The following ZNF19 variants were observed in gnomAD, a reference collection of about 807,000 sequenced individuals.
ZNF19 encodes the protein zinc finger protein 19.
A neutral mutation model predicts 13.1 loss-of-function variants in ZNF19; 11 were observed. That is an observed-to-expected ratio of 0.84 (90% CI 0.53 to 1.39). The LOEUF (loss-of-function observed/expected upper bound fraction) is 1.39, where lower values mean the gene tolerates loss of function less well. Among genes scored for constraint, ZNF19 ranks in the 40% most tolerant of loss-of-function variants. The probability of loss-of-function intolerance (pLI) is 0.00; values close to 1 mark genes in which losing one functional copy is unlikely to be tolerated. For missense variants in ZNF19, 560 were observed against 547.0 expected (o/e 1.02, Z -0.24); for synonymous variants, 186 against 187.0 (o/e 0.99, Z 0.04).
At chr16:71,479,126 TG>T in intron 3 of ZNF19, 121 bp from the exon 4 acceptor site, 1 of 1,415,122 alleles carries the variant, frequency 7.1e-7, no homozygotes, top group East Asian at 2.3e-5. Flanking sequence ...AATGAGAAAA[TG>T]TGACAGAACT....
intron 1 of ZNF19, 41 bp from the exon 2 acceptor site, chr16:71,484,789 T>C: frequency 1.0e-6 from 1 of 969,638 alleles, no homozygotes; most frequent in Non-Finnish European, 1.2e-6. Context: ...TTCGCTAATC[T>C]CTAACCGAAA....
chr16:71,488,424 C>T (rs2043695772), intron 1 of ZNF19, among the ~76,000 whole-genome samples: 2 of 149,678 alleles, frequency 1.3e-5, no homozygotes, highest in South Asian at 2.1e-4. Context: ...AAACTCAGAA[C>T]AAAACTGTTA....
intron 2 of ZNF19, 47 bp from the exon 3 acceptor site, chr16:71,482,190 A>G (rs2043641354): frequency 7.5e-6 from 12 of 1,589,642 alleles, no homozygotes; most frequent in Non-Finnish European, 8.6e-6. Flanking sequence ...AGCCCAGTAA[A>G]ATGCTCTCTT....
Position 71,477,472 on chromosome 16 carries a change from G to A in ZNF19, c.274+756C>T, listed in dbSNP as rs370252693. ...GCCTCTGCCTTCAATTTCACTGTTT[G>A]CTCTTGGTGGCCCCCATCTATTTGA... On this transcript the variant is annotated intron_variant, in intron 5 of 5. Coordinates refer to ENST00000288177, the MANE Select transcript of ZNF19 (RefSeq NM_006961.4). Among the ~76,000 whole-genome samples the A allele has an allele frequency of 1.1e-4, 17 of 152,042 alleles. No individual in the cohort carries two copies. The South Asian group carries it at 3.1e-3, about 28-fold the overall frequency.
At chr16:71,478,844 T>A in intron 4 of ZNF19, 35 bp downstream of exon 4, 2 of 1,609,110 alleles carry the variant, frequency 1.2e-6, no homozygotes, top group Non-Finnish European at 1.7e-6. Context: ...ACTGGAAAAG[T>A]ACAGATCTGA....
At chr16:71,485,458 A>T (rs1394799556) in intron 1 of ZNF19, among the ~76,000 whole-genome samples, 1 of 147,242 alleles carries the variant, frequency 6.8e-6, no homozygotes, top group Admixed American at 6.6e-5. Flanking sequence ...CTCAAAAAAA[A>T]AAAAAACCAA....
chr16:71,485,422 C>A (rs1003224695), intron 1 of ZNF19, among the ~76,000 whole-genome samples: 3 of 149,490 alleles, frequency 2.0e-5, no homozygotes, highest in Non-Finnish European at 3.0e-5. Flanking sequence ...TGCACTCCAG[C>A]CTGGGCGACA....
intron 2 of ZNF19, chr16:71,482,431 C>A: frequency 3.4e-6 from 1 of 297,136 alleles, no homozygotes; most frequent in Non-Finnish European, 6.3e-6. Flanking sequence ...AAACTCAGAG[C>A]GAAACCTAAC....
At position 71,484,716 on chromosome 16, in the gene ZNF19, G is replaced by T. The variant is rs1016348788; in HGVS notation, c.-157C>A. On this transcript the variant is annotated 5_prime_UTR_variant, in exon 2 of 6. Transcript: ENST00000288177. ...TCAGTGGTTGTGTGGTTTTACTCCC[G>T]GGAGGAGTTTCCACCCGGGGATCCT... 1.1e-5 allele frequency: 11 copies of T among 985,268 alleles called. No homozygotes were observed. The highest frequency in any genetic ancestry group is 6.0e-6 in the Non-Finnish European group (5 of 829,922). The allele number at this position is 985,268 out of a possible 1,614,324, so 61.0% of individuals were successfully genotyped here.
chr16:71,479,297 T>G (rs2043622535), intron 3 of ZNF19, among the ~76,000 whole-genome samples: 1 of 152,250 alleles, frequency 6.6e-6, no homozygotes, highest in Non-Finnish European at 1.5e-5. Flanking sequence ...TTAACCTTCC[T>G]AGGGCAAAAA....
chr16:71,480,893 G>C (rs947461424), intron 3 of ZNF19, among the ~76,000 whole-genome samples: 5 of 152,206 alleles, frequency 3.3e-5, no homozygotes, highest in African/African-American at 1.2e-4. Context: ...GAGAACCCTG[G>C]ATTGGAGGAT....
rs2043620701 is a variant in ZNF19, at chr16:71,478,996, T to TCACC, written c.39_42dup (p.Thr15GlyfsTer67). 1 of 1,613,978 alleles carries TCACC rather than the reference T, an allele frequency of 6.2e-7. No homozygotes were observed. Among genetic ancestry groups the TCACC allele is most frequent in the Non-Finnish European group, 8.5e-7 (1 of 1,180,014 alleles). On this transcript the variant is annotated frameshift_variant, in exon 4 of 6. Transcript: ENST00000288177. LOFTEE classifies it high-confidence loss of function. ...AAGTGCACAGCCACATCCTCGAAGG[T>TCACC]CACCATCTCCTAAAACAACAGGTTC...
In ZNF19 at chr16:71,475,127, T is replaced by G. The variant is rs1469537848; in HGVS notation, c.*43A>C. The G allele has an allele frequency of 3.3e-6, 5 of 1,513,170 alleles. No homozygotes were observed. The East Asian group carries it at 1.2e-4, about 37-fold the overall frequency. 93.7% of individuals were successfully genotyped at this position (1,513,170 alleles called of 1,614,324 possible). ...CTGTGTCACACATTCCATTCCTGAG[T>G]AGAAGACGGAATCCACTCAGTACAT... On this transcript the variant is annotated 3_prime_UTR_variant, in exon 6 of 6. Coordinates refer to ENST00000288177, the MANE Select transcript of ZNF19 (RefSeq NM_006961.4).
chr16:71,478,176 A>T, intron 5 of ZNF19, 52 bp downstream of exon 5: 1 of 1,210,244 alleles, frequency 8.3e-7, no homozygotes, highest in Non-Finnish European at 1.2e-6. Flanking sequence ...ATTTTAAAAT[A>T]CAGTGCTCCA....
intron 2 of ZNF19, among the ~76,000 whole-genome samples, chr16:71,484,191 A>G (rs1409970880): frequency 2.6e-5 from 4 of 152,150 alleles, no homozygotes; most frequent in South Asian, 4.1e-4. Flanking sequence ...TGACTTTCCC[A>G]TTGGGCGGAA....
At chr16:71,486,574 C>T (rs996893582) in intron 1 of ZNF19, among the ~76,000 whole-genome samples, 3 of 152,166 alleles carry the variant, frequency 2.0e-5, no homozygotes, top group Non-Finnish European at 2.9e-5. Flanking sequence ...GAAACAGATT[C>T]TCTCCTTAGT....
At position 71,475,442 on chromosome 16, in the gene ZNF19, G is replaced by A. The variant is rs2043594380; in HGVS notation, c.1105C>T (p.Gln369Ter). ...CTCAGATGCCTTTTTAATTGTTCCTGAGCACTGAAGGCTTTTCCACAATCT... is the reference window on the plus strand; with the variant it reads ...CTCAGATGCCTTTTTAATTGTTCCTAAGCACTGAAGGCTTTTCCACAATCT... Reference protein sequence around the residue: ...CVDCGKAFSAQEQLKRHLRIH... With the variant: ...CVDCGKAFSA Residue 369 changes from glutamine (Q) to a stop codon, truncating the protein, a stop_gained, in exon 6 of 6, where the codon CAG (glutamine) becomes TAG (stop). Coordinates refer to ENST00000288177, the MANE Select transcript of ZNF19 (RefSeq NM_006961.4). LOFTEE classifies it low-confidence loss of function (END_TRUNC). The A allele has an allele frequency of 6.2e-7, 1 of 1,611,730 alleles. No homozygotes were observed. Among genetic ancestry groups the A allele is most frequent in the African/African-American group, 1.4e-5 (1 of 74,042 alleles).
intron 2 of ZNF19, chr16:71,482,383 A>T (rs1226991753): frequency 2.5e-6 from 1 of 399,308 alleles, no homozygotes; most frequent in Non-Finnish European, 4.6e-6. Context: ...CACCAACACC[A>T]AGCTAAATGA....
chr16:71,479,090 G>C, intron 3 of ZNF19, 85 bp from the exon 4 acceptor site: 1 of 1,585,002 alleles, frequency 6.3e-7, no homozygotes, highest in African/African-American at 1.3e-5. Context: ...GTAGGGACTT[G>C]AGGGAAAGTC....
Sources: gnomAD v4.1 joint callset for allele counts (sites outside exome capture counted in the v4.1 genomes callset) on GRCh38, gnomAD v4.1.1 for gene constraint, MANE v1.5 for transcripts, NCBI Gene and HGNC (gene_info 2026-07-23, HGNC 2026-07-21) for gene names.